GALNT13: variants seen among roughly 807,000 people sequenced by gnomAD.
GALNT13 encodes the protein polypeptide N-acetylgalactosaminyltransferase 13, also known as UDP-GalNAc:polypeptide N-acetylgalactosaminyltransferase 13.
In GALNT13, 28 loss-of-function variants were observed where a neutral mutation model predicts 64.2. The observed-to-expected ratio is 0.44, with a 90% CI of 0.32 to 0.60. GALNT13 has a LOEUF of 0.60. Ranked by LOEUF, GALNT13 falls within the 20% of genes least tolerant of loss-of-function variation. GALNT13 has a pLI of 0.05. For missense variants in GALNT13, 577 were observed against 669.8 expected (o/e 0.86, Z 1.53); for synonymous variants, 214 against 224.6 (o/e 0.95, Z 0.42).
At chr2:153,999,295 A>G (rs2105215139) in intron 3 of GALNT13, among the ~76,000 whole-genome samples, 1 of 150,428 alleles carries the variant, frequency 6.6e-6, no homozygotes, top group Admixed American at 6.6e-5. Flanking sequence ...TCCAATTTGA[A>G]TGTCATTTAT....
the GALNT13 span, among the ~76,000 whole-genome samples, chr2:153,190,404 T>G: frequency 6.6e-6 from 1 of 152,058 alleles, no homozygotes; most frequent in African/African-American, 2.4e-5. Flanking sequence ...ATACAGGAGT[T>G]TATTTCTGTG....
chr2:153,718,649 G>A, the GALNT13 span, among the ~76,000 whole-genome samples: 1 of 152,062 alleles, frequency 6.6e-6, no homozygotes, highest in African/African-American at 2.4e-5. Flanking sequence ...GAGGCAGCAG[G>A]TGTCAGGACG....
At chr2:154,021,106 T>A (rs915375945) in intron 3 of GALNT13, among the ~76,000 whole-genome samples, 3 of 152,168 alleles carry the variant, frequency 2.0e-5, no homozygotes, top group African/African-American at 7.2e-5. Flanking sequence ...TACTGTAGCC[T>A]TGTAGTATAG....
At chr2:153,181,526 G>T in the GALNT13 span, among the ~76,000 whole-genome samples, 4 of 150,344 alleles carry the variant, frequency 2.7e-5, no homozygotes, top group Admixed American at 2.0e-4. Context: ...AGATCCCTTT[G>T]GTCTAAAGTG....
At chr2:153,783,564 T>G in the GALNT13 span, among the ~76,000 whole-genome samples, 1 of 152,140 alleles carries the variant, frequency 6.6e-6, no homozygotes, top group Admixed American at 6.5e-5. Flanking sequence ...CTTCACACCC[T>G]TTTATCTGTT....
intron 3 of GALNT13, among the ~76,000 whole-genome samples, chr2:154,133,534 TTATATATATATATATATATA>T (rs201083794): frequency 0.066 from 5,118 of 77,202 alleles, 284 homozygotes; most frequent in East Asian, 0.16. Flanking sequence ...ACAGACCATT[TTATATATATATATATATATA>T]TATATATATA....
chr2:153,992,424 C>G (rs1695221594), intron 3 of GALNT13, among the ~76,000 whole-genome samples: 1 of 152,084 alleles, frequency 6.6e-6, no homozygotes, highest in Non-Finnish European at 1.5e-5. Context: ...ATTTATAATG[C>G]ATGTTGGCAC....
At chr2:153,155,681 C>A in the GALNT13 span, among the ~76,000 whole-genome samples, 1 of 152,074 alleles carries the variant, frequency 6.6e-6, no homozygotes, top group Admixed American at 6.6e-5. Context: ...CTCCTAGATT[C>A]TTTGATTTTT....
intron 9 of GALNT13, among the ~76,000 whole-genome samples, chr2:154,362,742 T>C (rs1310918567): frequency 6.6e-6 from 1 of 152,160 alleles, no homozygotes; most frequent in African/African-American, 2.4e-5. Context: ...TACTAAGCAA[T>C]GCATGAATCA....
chr2:153,876,402 C>A (rs891889900), intron 1 of GALNT13, among the ~76,000 whole-genome samples: 2 of 152,060 alleles, frequency 1.3e-5, no homozygotes, highest in African/African-American at 2.4e-5. Context: ...TATATGCATA[C>A]CTGTGTTTGA....
At chr2:153,847,327 CTT>C in the GALNT13 span, among the ~76,000 whole-genome samples, 1 of 151,822 alleles carries the variant, frequency 6.6e-6, no homozygotes, top group African/African-American at 2.4e-5. Context: ...CTTTCAGTAA[CTT>C]ATATAAGAGA....
chr2:153,803,972 C>G, the GALNT13 span, among the ~76,000 whole-genome samples: 1 of 152,094 alleles, frequency 6.6e-6, no homozygotes, highest in Non-Finnish European at 1.5e-5. Context: ...TAATCCCTAC[C>G]TTTTCATCCC....
chr2:153,896,642 T>A (rs1158058015), intron 1 of GALNT13, among the ~76,000 whole-genome samples: 1 of 152,076 alleles, frequency 6.6e-6, no homozygotes, highest in Non-Finnish European at 1.5e-5. Flanking sequence ...ATAGGCTAAT[T>A]GTGTGTTACA....
intron 3 of GALNT13, among the ~76,000 whole-genome samples, chr2:154,013,825 C>G (rs1348686713): frequency 6.6e-6 from 1 of 152,108 alleles, no homozygotes; most frequent in Non-Finnish European, 1.5e-5. Flanking sequence ...TCGGCCCTTG[C>G]GCACACACTG....
the GALNT13 span, among the ~76,000 whole-genome samples, chr2:153,792,106 C>T: frequency 1.3e-5 from 2 of 152,088 alleles, no homozygotes; most frequent in African/African-American, 4.8e-5. Context: ...TGTTTGTAAT[C>T]CTACTACATG....
At chr2:154,308,696 T>TCAG (rs1250540970) in intron 9 of GALNT13, among the ~76,000 whole-genome samples, 4 of 152,156 alleles carry the variant, frequency 2.6e-5, no homozygotes, top group African/African-American at 9.6e-5. Context: ...ACATGCTTTT[T>TCAG]CAGCAGCAGC....
At chr2:154,268,317 G>A (rs149589651) in intron 8 of GALNT13, among the ~76,000 whole-genome samples, 256 of 152,264 alleles carry the variant, frequency 1.7e-3, no homozygotes, top group African/African-American at 6.0e-3. Flanking sequence ...CAGGCAAAAA[G>A]ATTACATACT....
At chr2:154,174,779 G>A (rs1184846811) in intron 4 of GALNT13, among the ~76,000 whole-genome samples, 6 of 152,032 alleles carry the variant, frequency 3.9e-5, no homozygotes, top group Non-Finnish European at 8.8e-5. Flanking sequence ...ACGTATATGG[G>A]ATTTTTGTTT....
the GALNT13 span, among the ~76,000 whole-genome samples, chr2:153,729,665 A>G: frequency 2.6e-5 from 4 of 152,084 alleles, no homozygotes; most frequent in East Asian, 5.8e-4. Context: ...GAGAAAATGT[A>G]AAAGTCATCC....
Sources: allele counts gnomAD v4.1 joint callset (sites outside exome capture counted in the v4.1 genomes callset), GRCh38; gene constraint gnomAD v4.1.1; transcripts MANE v1.5; gene names NCBI Gene and HGNC (gene_info 2026-07-23, HGNC 2026-07-21).